Variants in CDYL observed in about 807,000 individuals in gnomAD.
CDYL encodes chromodomain Y-like protein.
CDYL carries 8 observed loss-of-function variants against 47.3 expected under a neutral mutation model. The observed-to-expected ratio is 0.17, with a 90% CI of 0.10 to 0.31. The LOEUF is 0.31. Ranked by LOEUF, CDYL falls within the 10% of genes least tolerant of loss-of-function variation. The pLI, the probability that CDYL is intolerant of heterozygous loss-of-function variation, is 1.00. For synonymous variants in CDYL, 266 were observed against 265.0 expected (o/e 1.00, Z -0.04); for missense variants, 471 against 701.4 (o/e 0.67, Z 3.71).
intron 1 of CDYL, among the ~76,000 whole-genome samples, chr6:4,850,960 T>C (rs571809879): frequency 6.6e-6 from 1 of 152,218 alleles, no homozygotes; most frequent in Non-Finnish European, 1.5e-5. Flanking sequence ...GGAAATATAA[T>C]GGCACCGAGG....
At chr6:4,798,736 G>A (rs1759144015) in intron 1 of CDYL, among the ~76,000 whole-genome samples, 1 of 152,172 alleles carries the variant, frequency 6.6e-6, no homozygotes, top group Admixed American at 6.5e-5. Flanking sequence ...TATTGTACTG[G>A]TTTGGATTCT....
intron 1 of CDYL, among the ~76,000 whole-genome samples, chr6:4,799,928 C>T (rs955479678): frequency 1.3e-5 from 2 of 151,966 alleles, no homozygotes; most frequent in Non-Finnish European, 2.9e-5. Flanking sequence ...CACTATGAAA[C>T]GTCTTTTTTG....
chr6:4,943,779 A>AAG, intron 5 of CDYL, 23 bp downstream of exon 5: 1 of 1,522,894 alleles, frequency 6.6e-7, no homozygotes, highest in Non-Finnish European at 8.9e-7. Context: ...TTAAAAAAAA[A>AAG]AAAAAAAAGT....
intron 2 of CDYL, among the ~76,000 whole-genome samples, chr6:4,718,968 G>A (rs902278741): frequency 6.6e-6 from 1 of 151,218 alleles, no homozygotes; most frequent in Non-Finnish European, 1.5e-5. Flanking sequence ...TTGTTGCCCA[G>A]GCTGGAGTGC....
chr6:4,934,404 T>G (rs1393755429), intron 2 of CDYL, among the ~76,000 whole-genome samples: 1 of 152,242 alleles, frequency 6.6e-6, no homozygotes, highest in Non-Finnish European at 1.5e-5. Flanking sequence ...CAGGTTGTTT[T>G]GCCAGGGAGG....
intron 1 of CDYL, among the ~76,000 whole-genome samples, chr6:4,813,132 C>T (rs763623907): frequency 6.6e-6 from 1 of 152,126 alleles, no homozygotes; most frequent in Non-Finnish European, 1.5e-5. Context: ...CTTCTACCTT[C>T]GAATTAATTA....
chr6:4,786,174 A>G (rs1486702606), intron 1 of CDYL, among the ~76,000 whole-genome samples: 4 of 152,226 alleles, frequency 2.6e-5, no homozygotes, highest in Admixed American at 2.6e-4. Flanking sequence ...GGAGGAGGAA[A>G]TGGCCTTTGC....
intron 1 of CDYL, among the ~76,000 whole-genome samples, chr6:4,707,848 CT>C (rs1561816313): frequency 6.6e-6 from 1 of 151,984 alleles, no homozygotes; most frequent in Non-Finnish European, 1.5e-5. Flanking sequence ...ATAAATTTGC[CT>C]TTAAGTACTG....
At chr6:4,719,936 A>G (rs1427884783) in intron 2 of CDYL, among the ~76,000 whole-genome samples, 3 of 152,224 alleles carry the variant, frequency 2.0e-5, no homozygotes, top group Non-Finnish European at 2.9e-5. Flanking sequence ...TGTGTACAAC[A>G]AAATCACATT....
intron 1 of CDYL, chr6:4,714,594 C>T (rs1757218944): frequency 6.6e-6 from 1 of 152,234 alleles, no homozygotes; most frequent in African/African-American, 2.4e-5. Context: ...CACCATGCTC[C>T]CAGGCTGCCA....
At chr6:4,928,239 C>G (rs1210489200) in intron 2 of CDYL, among the ~76,000 whole-genome samples, 1 of 152,044 alleles carries the variant, frequency 6.6e-6, no homozygotes, top group Non-Finnish European at 1.5e-5. Context: ...ATGGTGGCAT[C>G]CCACCACACC....
chr6:4,817,279 G>A (rs917192586), intron 1 of CDYL, among the ~76,000 whole-genome samples: 21 of 151,592 alleles, frequency 1.4e-4, no homozygotes, highest in African/African-American at 5.1e-4. Flanking sequence ...TTTCCCTCAG[G>A]CCTTTAATTA....
intron 1 of CDYL, among the ~76,000 whole-genome samples, chr6:4,808,695 C>T (rs1223140936): frequency 1.3e-5 from 2 of 152,182 alleles, no homozygotes; most frequent in Non-Finnish European, 2.9e-5. Flanking sequence ...TACTGTCTGA[C>T]CCTTTATGGA....
intron 1 of CDYL, among the ~76,000 whole-genome samples, chr6:4,823,060 G>A (rs982595446): frequency 6.6e-6 from 1 of 152,154 alleles, no homozygotes; most frequent in African/African-American, 2.4e-5. Flanking sequence ...AAAGCAGAGG[G>A]GAAAAGTGCA....
intron 2 of CDYL, among the ~76,000 whole-genome samples, chr6:4,918,899 G>C (rs963678380): frequency 3.3e-5 from 5 of 152,162 alleles, no homozygotes; most frequent in Admixed American, 1.3e-4. Context: ...AATGCTCTCA[G>C]AGGAGCTCAG....
chr6:4,878,547 T>TAA (rs2127476808), intron 1 of CDYL, among the ~76,000 whole-genome samples: 1 of 152,218 alleles, frequency 6.6e-6, no homozygotes, highest in Admixed American at 6.5e-5. Flanking sequence ...AAGGAACATG[T>TAA]CTACTTTTAC....
intron 3 of CDYL, among the ~76,000 whole-genome samples, chr6:4,749,307 A>AGATGGATGGATGGATGGATG (rs61073067): frequency 3.4e-5 from 5 of 146,618 alleles, no homozygotes; most frequent in African/African-American, 1.0e-4. Context: ...ATGGATGGAT[A>AGATGGATGGATGGATGGATG]GATGGATGGA....
intron 2 of CDYL, among the ~76,000 whole-genome samples, chr6:4,934,888 A>G (rs1758140728): frequency 1.3e-5 from 2 of 152,170 alleles, no homozygotes; most frequent in Admixed American, 1.3e-4. Flanking sequence ...GAGGAGAGCT[A>G]TCTTCAGCTG....
At chr6:4,799,210 G>A (rs1340506244) in intron 1 of CDYL, among the ~76,000 whole-genome samples, 1 of 152,046 alleles carries the variant, frequency 6.6e-6, no homozygotes, top group Non-Finnish European at 1.5e-5. Flanking sequence ...GGATATTTGA[G>A]GTTTTTCTAA....
Sources: allele counts gnomAD v4.1 joint callset (sites outside exome capture counted in the v4.1 genomes callset), GRCh38; gene constraint gnomAD v4.1.1; transcripts MANE v1.5; gene names NCBI Gene and HGNC (gene_info 2026-07-23, HGNC 2026-07-21).